RAPGEF4: variants seen among roughly 807,000 people sequenced by gnomAD.
The protein encoded by RAPGEF4 is RAP guanine-nucleotide-exchange factor (GEF) 4.
A neutral mutation model predicts 147.9 loss-of-function variants in RAPGEF4; 66 were observed. The ratio of observed to expected loss-of-function variants is 0.45; its 90% CI spans 0.37 to 0.55. The LOEUF is 0.55. Among genes scored for constraint, RAPGEF4 ranks in the 20% least tolerant of loss-of-function variants. RAPGEF4 has a pLI of 0.00. For missense variants in RAPGEF4, 1,071 were observed against 1,257.3 expected, an observed-to-expected ratio of 0.85 and a Z score of 2.24; for synonymous variants, 419 against 442.7, an observed-to-expected ratio of 0.95 and a Z score of 0.67.
intron 4 of RAPGEF4, among the ~76,000 whole-genome samples, chr2:172,884,904 C>G (rs776575912): frequency 1.3e-5 from 2 of 152,232 alleles, no homozygotes; most frequent in African/African-American, 2.4e-5. Context: ...TATTTACTTT[C>G]TGATGAAACA....
intron 1 of RAPGEF4, among the ~76,000 whole-genome samples, chr2:172,769,522 C>G (rs1390515916): frequency 6.6e-6 from 1 of 152,090 alleles, no homozygotes; most frequent in African/African-American, 2.4e-5. Context: ...GAGATTCATA[C>G]AGTTGAATAT....
intron 27 of RAPGEF4, among the ~76,000 whole-genome samples, chr2:173,034,695 G>A (rs1024316353): frequency 1.3e-5 from 2 of 151,938 alleles, no homozygotes; most frequent in Non-Finnish European, 2.9e-5. Context: ...CCAACATGAC[G>A]AAACCCCATC....
chr2:173,026,709 GA>G lies in RAPGEF4; in HGVS notation c.2379+13del. 6.2e-7 allele frequency: 1 copy of G among 1,613,156 alleles called. No homozygotes were observed. The highest frequency in any genetic ancestry group is 8.5e-7 in the Non-Finnish European group (1 of 1,179,678). On this transcript the variant is annotated intron_variant, in intron 24 of 30. Coordinates refer to ENST00000397081, the MANE Select transcript of RAPGEF4 (RefSeq NM_007023.4). ...ACTGCGTGCATGAGGTAAGATGCAG[GA>G]TCAGATGTGTTAGTAGCTGAGATAG...
At chr2:172,913,287 C>A (rs910234281) in intron 4 of RAPGEF4, among the ~76,000 whole-genome samples, 1 of 152,172 alleles carries the variant, frequency 6.6e-6, no homozygotes, top group Non-Finnish European at 1.5e-5. Flanking sequence ...TTTGTTGTAC[C>A]ACCACCTCAC....
At chr2:172,785,694 T>G (rs989919921) in intron 1 of RAPGEF4, among the ~76,000 whole-genome samples, 5 of 152,220 alleles carry the variant, frequency 3.3e-5, no homozygotes, top group Non-Finnish European at 5.9e-5. Context: ...TACATTCCTA[T>G]AAGATGACAG....
At chr2:172,955,745 C>A (rs867818538) in intron 6 of RAPGEF4, among the ~76,000 whole-genome samples, 1 of 152,148 alleles carries the variant, frequency 6.6e-6, no homozygotes, top group Non-Finnish European at 1.5e-5. Flanking sequence ...TACTCTGTGC[C>A]GTCCCGCTGT....
chr2:172,749,698 C>A (rs1467650306), intron 1 of RAPGEF4, among the ~76,000 whole-genome samples: 1 of 152,242 alleles, frequency 6.6e-6, no homozygotes, highest in Non-Finnish European at 1.5e-5. Context: ...CAAATTTCTG[C>A]AGCCAGCATG....
chr2:172,880,581 A>G (rs1008979275), intron 4 of RAPGEF4, among the ~76,000 whole-genome samples: 1 of 152,226 alleles, frequency 6.6e-6, no homozygotes, highest in African/African-American at 2.4e-5. Context: ...TTGGTTGGAT[A>G]TAAGGGAAAT....
chr2:172,804,853 C>CA (rs1687326698), intron 3 of RAPGEF4, among the ~76,000 whole-genome samples: 1 of 152,200 alleles, frequency 6.6e-6, no homozygotes, highest in African/African-American at 2.4e-5. Flanking sequence ...CTGATGTACA[C>CA]TTCAGGCCCT....
At chr2:172,896,584 C>G (rs377079991) in intron 4 of RAPGEF4, among the ~76,000 whole-genome samples, 5 of 151,712 alleles carry the variant, frequency 3.3e-5, no homozygotes, top group Admixed American at 6.6e-5. Flanking sequence ...CCCACCCCCC[C>G]CCAAAAAAAT....
chr2:172,839,486 G>A (rs1285129440), intron 4 of RAPGEF4, among the ~76,000 whole-genome samples: 1 of 152,016 alleles, frequency 6.6e-6, no homozygotes, highest in African/African-American at 2.4e-5. Context: ...CTGTCATGGC[G>A]CTGGTGGGAG....
At chr2:172,758,755 A>C (rs1696021776) in intron 1 of RAPGEF4, among the ~76,000 whole-genome samples, 2 of 152,188 alleles carry the variant, frequency 1.3e-5, no homozygotes, top group Admixed American at 6.5e-5. Flanking sequence ...GGGGGAGTTC[A>C]ATTTTGGACA....
At position 172,990,883 on chromosome 2, in the gene RAPGEF4, G is replaced by A. The variant is rs1376619614; in HGVS notation, c.1448G>A (p.Gly483Glu). Residue 483 changes from glycine to glutamate, a missense_variant, in exon 15 of 31, where the codon GGG (glycine) becomes GAG (glutamate). Gly to Glu is a moderately conservative substitution (Grantham distance 98). Transcript: ENST00000397081. ...DVLVLEKVPAGNRASNQGNSQ... is the reference protein window; with the variant it reads ...DVLVLEKVPAENRASNQGNSQ... ...TTGGTGCTGGAGAAGGTCCCAGCAG[G>A]GAACAGAGCTTCTAATCAAGGAAAC... 1.2e-6 allele frequency: 2 copies of A among 1,613,998 alleles called. No homozygotes were observed. The highest frequency in any genetic ancestry group is 1.7e-6 in the Non-Finnish European group (2 of 1,179,946).
chr2:172,771,856 T>A lies in RAPGEF4; in HGVS notation c.66-23169T>A, dbSNP rs540752681. On this transcript the variant is annotated intron_variant, in intron 1 of 30. Transcript: ENST00000397081. ...TTGTGAACAATAAACCAGCCTTCAA[T>A]GCAGCTAAATAAAAGCCCACATTTG... Among the ~76,000 whole-genome samples, 5 of 152,346 alleles carry A rather than the reference T, an allele frequency of 3.3e-5. No individual in the cohort carries two copies. The South Asian group carries it at 1.0e-3, about 32-fold the overall frequency.
intron 1 of RAPGEF4, among the ~76,000 whole-genome samples, chr2:172,765,487 G>T (rs1363031291): frequency 1.3e-5 from 2 of 152,160 alleles, no homozygotes; most frequent in African/African-American, 4.8e-5. Context: ...AAGAGAGAAA[G>T]AGCCAGGATG....
At chr2:172,751,969 T>G (rs766068338) in intron 1 of RAPGEF4, among the ~76,000 whole-genome samples, 3 of 152,224 alleles carry the variant, frequency 2.0e-5, no homozygotes, top group Non-Finnish European at 4.4e-5. Context: ...GACTTAAAGA[T>G]GTGAAAAATA....
chr2:172,886,624 T>C (rs1276415498), intron 4 of RAPGEF4, among the ~76,000 whole-genome samples: 2 of 152,072 alleles, frequency 1.3e-5, no homozygotes, highest in East Asian at 1.9e-4. Flanking sequence ...TTTCCAGACC[T>C]GGAGTGTGTG....
chr2:172,807,247 G>A (rs754582085), intron 3 of RAPGEF4, among the ~76,000 whole-genome samples: 4 of 152,218 alleles, frequency 2.6e-5, no homozygotes, highest in South Asian at 2.1e-4. Flanking sequence ...GCAAAACTGC[G>A]TCACAATGCT....
chr2:173,010,790 GT>G (rs1694928207), intron 17 of RAPGEF4, among the ~76,000 whole-genome samples: 1 of 152,154 alleles, frequency 6.6e-6, no homozygotes, highest in African/African-American at 2.4e-5. Context: ...TTCTCTCTGT[GT>G]TTCTTAAGAA....
Sources: allele counts gnomAD v4.1 joint callset (sites outside exome capture counted in the v4.1 genomes callset), GRCh38; gene constraint gnomAD v4.1.1; transcripts MANE v1.5; gene names NCBI Gene and HGNC (gene_info 2026-07-23, HGNC 2026-07-21).